Variants in CLDN14 observed in about 807,000 individuals in gnomAD.
CLDN14 encodes claudin 14, also known as claudin-14.
A neutral mutation model predicts 2.1 loss-of-function variants in CLDN14; 2 were observed. The observed-to-expected ratio is 0.96, with a 90% CI of 0.39 to 3.01. The LOEUF is 3.01. Among genes scored for constraint, CLDN14 ranks in the 30% most tolerant of loss-of-function variants. CLDN14 has a pLI of 0.09. For synonymous variants in CLDN14, 136 were observed against 154.4 expected, an observed-to-expected ratio of 0.88 and a Z score of 0.88; for missense variants, 298 against 328.0, an observed-to-expected ratio of 0.91 and a Z score of 0.71.
At chr21:36,476,806 T>A (rs1175573891) in intron 1 of CLDN14, among the ~76,000 whole-genome samples, 1 of 152,238 alleles carries the variant, frequency 6.6e-6, no homozygotes, top group Non-Finnish European at 1.5e-5. Context: ...AAGCATACAC[T>A]CACAGTGGTG....
chr21:36,545,297 G>A (rs922945976), intron 1 of CLDN14, among the ~76,000 whole-genome samples: 1 of 152,196 alleles, frequency 6.6e-6, no homozygotes, highest in Admixed American at 6.5e-5. Context: ...TCCATTCTTG[G>A]GTTGGGTGAG....
At chr21:36,547,627 G>A (rs139653319) in intron 1 of CLDN14, among the ~76,000 whole-genome samples, 47 of 152,290 alleles carry the variant, frequency 3.1e-4, no homozygotes, top group East Asian at 1.7e-3. Context: ...GAGGGTCCCT[G>A]TGCCAAGCCT....
At chr21:36,549,353 G>T (rs929587899) in intron 1 of CLDN14, among the ~76,000 whole-genome samples, 47 of 151,926 alleles carry the variant, frequency 3.1e-4, no homozygotes, top group African/African-American at 1.1e-3. Context: ...GCCAAAAGTG[G>T]TAGACATGTA....
intron 1 of CLDN14, among the ~76,000 whole-genome samples, chr21:36,519,592 C>G (rs1304366144): frequency 6.6e-6 from 1 of 152,134 alleles, no homozygotes; most frequent in Admixed American, 6.5e-5. Context: ...TGCCTGTAGT[C>G]CCAGCTACTT....
chr21:36,475,496 G>T (rs997110602), intron 1 of CLDN14, among the ~76,000 whole-genome samples: 1 of 152,170 alleles, frequency 6.6e-6, no homozygotes. Flanking sequence ...GGGAATTTTC[G>T]AGCTCCTCTC....
rs570308885 is a variant in CLDN14, at chr21:36,549,146, T to G, written c.-220+27265A>C. ...TGACACAGACGATTCATAGCTGGTG[T>G]TTTTTTTTTTTTTTAACTTGTCCAT... On this transcript the variant is annotated intron_variant, in intron 1 of 2. Transcript: ENST00000342108. Among the ~76,000 whole-genome samples, 29 of 132,804 alleles carry G rather than the reference T, an allele frequency of 2.2e-4. No homozygotes were observed. In the East Asian group the frequency reaches 5.7e-3, roughly 26 times the overall value. 87.1% of individuals were successfully genotyped at this position (132,804 alleles called of 152,430 possible).
At chr21:36,523,781 G>GAGAAAGAAAGAAAGAAAGAA (rs56772352) in intron 1 of CLDN14, among the ~76,000 whole-genome samples, 40 of 38,218 alleles carry the variant, frequency 1.0e-3, no homozygotes, top group Middle Eastern at 0.021. Flanking sequence ...GAGAGAAAGA[G>GAGAAAGAAAGAAAGAAAGAA]AGAAAGAAAG....
At position 36,479,854 on chromosome 21, in the gene CLDN14, C is replaced by T. The variant is rs1002649374; in HGVS notation, c.-441G>A. 1.3e-5 allele frequency: 2 copies of T among 152,362 alleles called. No individual in the cohort carries two copies. Among genetic ancestry groups the T allele is most frequent in the African/African-American group, 2.4e-5 (1 of 41,432 alleles). The allele number at this position is 152,362 out of a possible 1,614,324, so 9.4% of individuals were successfully genotyped here. On this transcript the variant is annotated 5_prime_UTR_variant, in exon 1 of 2. Coordinates refer to ENST00000399135, the MANE Select transcript of CLDN14 (RefSeq NM_001146079.2). ...CTGAACCTGGGCATCTCCTTCCTAA[C>T]ACGCGCTCAGGATCAAGCCTCCCCT... is the stretch of plus-strand genomic sequence containing the variant.
intron 1 of CLDN14, among the ~76,000 whole-genome samples, chr21:36,474,702 G>A (rs1370840613): frequency 1.3e-5 from 2 of 152,078 alleles, no homozygotes; most frequent in African/African-American, 2.4e-5. Flanking sequence ...GAGGACCCTT[G>A]TTTTGCTGTT....
chr21:36,509,377 G>C (rs936100719), intron 2 of CLDN14, among the ~76,000 whole-genome samples: 5 of 152,214 alleles, frequency 3.3e-5, no homozygotes, highest in African/African-American at 7.2e-5. Context: ...TGGAGGTGGT[G>C]TTGGCTGCAG....
chr21:36,559,345 C>T (rs571158162), intron 1 of CLDN14, among the ~76,000 whole-genome samples: 5 of 152,242 alleles, frequency 3.3e-5, no homozygotes, highest in South Asian at 2.1e-4. Context: ...TATAGGCACC[C>T]GCCACCACGC....
rs2087435387 is a variant in CLDN14, at chr21:36,537,622, T to TTACAATC, written c.-219-27123_-219-27122insGATTGTA. On this transcript the variant is annotated intron_variant, in intron 1 of 2. Coordinates refer to the CLDN14 transcript ENST00000342108. The stretch of plus-strand genomic sequence containing the variant: ...ATCATGATCATTTACAATTTACAAT[T>TTACAATC]TACCTTCTTTTTTCTTTGTTTTTCT... Among the ~76,000 whole-genome samples, 3 of 151,904 alleles carry TTACAATC rather than the reference T, an allele frequency of 2.0e-5. No homozygotes were observed. The East Asian group carries it at 5.8e-4, about 29-fold the overall frequency.
chr21:36,474,227 G>A (rs1413443517), intron 1 of CLDN14, among the ~76,000 whole-genome samples: 3 of 152,186 alleles, frequency 2.0e-5, no homozygotes, highest in Admixed American at 1.3e-4. Flanking sequence ...CTGACAATTA[G>A]CATTTCCTTC....
At chr21:36,570,839 A>C (rs1329403758) in intron 1 of CLDN14, among the ~76,000 whole-genome samples, 1 of 152,078 alleles carries the variant, frequency 6.6e-6, no homozygotes, top group Non-Finnish European at 1.5e-5. Flanking sequence ...AAAAGAATAC[A>C]TCCCCTTTTT....
At chr21:36,565,811 C>T (rs567878112) in intron 1 of CLDN14, among the ~76,000 whole-genome samples, 2 of 152,296 alleles carry the variant, frequency 1.3e-5, no homozygotes, top group South Asian at 4.1e-4. Context: ...TCTCTCATCC[C>T]CCTTGCCACA....
At position 36,556,584 on chromosome 21, in the gene CLDN14, A is replaced by G. The variant is rs531483822; in HGVS notation, c.-220+19827T>C. 2.6e-5 allele frequency among the ~76,000 whole-genome samples: 4 copies of G among 152,336 alleles called. No individual in the cohort carries two copies. In the East Asian group the frequency reaches 7.7e-4, roughly 29 times the overall value. ...CTTTCCTCTACGAAGAAAACAATGC[A>G]TCCTCAGTGGGAGGCTGGTAACATC... On this transcript the variant is annotated intron_variant, in intron 1 of 2. Coordinates refer to the CLDN14 transcript ENST00000342108.
intron 1 of CLDN14, among the ~76,000 whole-genome samples, chr21:36,538,132 A>C (rs1306687686): frequency 1.3e-5 from 2 of 151,962 alleles, no homozygotes; most frequent in Non-Finnish European, 2.9e-5. Flanking sequence ...CTGTTTGAAA[A>C]TTTTCAGTCA....
chr21:36,480,179 G>A (rs562174866), upstream of CLDN14: 6 of 152,400 alleles, frequency 3.9e-5, no homozygotes, highest in South Asian at 1.2e-3. Context: ...ATGCATGCTG[G>A]TCGATTCTGA....
At chr21:36,555,476 A>G (rs1045326085) in intron 1 of CLDN14, among the ~76,000 whole-genome samples, 2 of 152,226 alleles carry the variant, frequency 1.3e-5, no homozygotes, top group Admixed American at 6.5e-5. Context: ...GCGTGTTCCA[A>G]GGTCGTAAGT....
Sources: gnomAD v4.1 joint callset for allele counts (sites outside exome capture counted in the v4.1 genomes callset) on GRCh38, gnomAD v4.1.1 for gene constraint, MANE v1.5 for transcripts, NCBI Gene and HGNC (gene_info 2026-07-23, HGNC 2026-07-21) for gene names.